The following ELF4 variants were observed in gnomAD, a reference collection of about 807,000 sequenced individuals.
ELF4 encodes the protein E74 like ETS transcription factor 4, also known as ETS-related transcription factor Elf-4.
A neutral mutation model predicts 31.7 loss-of-function variants in ELF4; 10 were observed. The ratio of observed to expected loss-of-function variants is 0.32; its 90% confidence interval spans 0.19 to 0.54. The LOEUF (loss-of-function observed/expected upper bound fraction) is 0.54, where lower values mean the gene tolerates loss of function less well. Ranked by LOEUF, ELF4 falls within the 20% of genes least tolerant of loss-of-function variation. The pLI, the probability that ELF4 is intolerant of heterozygous loss-of-function variation, is 0.95. For synonymous variants in ELF4, 208 were observed against 226.7 expected (o/e 0.92, Z 0.74); for missense variants, 418 against 522.0 (o/e 0.80, Z 1.94).
chrX:130,069,231 A>AG, intron 8 of ELF4, 69 bp downstream of exon 8: 1 of 1,191,416 alleles, frequency 8.4e-7, no homozygotes, highest in Non-Finnish European at 1.1e-6. Context: ...CTCAAAAAAA[A>AG]AAAAAAAGAA....
chrX:130,083,832 CTGGA>C (rs773641555), intron 1 of ELF4, among the ~76,000 whole-genome samples: 6,540 of 103,174 alleles, frequency 0.063, 399 homozygotes, highest in African/African-American at 0.17. Flanking sequence ...GGATGGATGG[CTGGA>C]TGGATGGATG....
chrX:130,072,369 G>A lies in ELF4; in HGVS notation c.389C>T (p.Thr130Ile). 1.1e-5 allele frequency: 13 copies of A among 1,212,326 alleles called. No individual in the cohort carries two copies. Among genetic ancestry groups the A allele is most frequent in the Non-Finnish European group, 1.5e-5 (13 of 895,628 alleles). The change falls in exon 5 of 9, where the codon ACT becomes ATT. Residue 130 changes from threonine (T) to isoleucine (I), a missense_variant. Around this residue, in one of 4 missense-constraint regions of ELF4, gnomAD observed 88 missense variants for 92.4 expected, o/e 0.95. Transcript: ENST00000308167. ...LPDSDPAPAV[T>I]LPNYLFPASE... The stretch of plus-strand genomic sequence containing the variant: ...GGCAGGAAACAGGTAGTTGGGCAGA[G>A]TGACAGCTGGTGCAGGGTCCGAGTC...
intron 1 of ELF4, among the ~76,000 whole-genome samples, chrX:130,084,060 T>A (rs1352538299): frequency 1.8e-5 from 2 of 111,943 alleles, no homozygotes; most frequent in African/African-American, 3.3e-5. Context: ...GCTATTTGCG[T>A]TGGTTGTGGG....
At chrX:130,070,828 A>G (rs768373954) in intron 7 of ELF4, among the ~76,000 whole-genome samples, 1 of 106,479 alleles carries the variant, frequency 9.4e-6, no homozygotes, top group East Asian at 3.1e-4. Flanking sequence ...AAAGGAAAAG[A>G]AAAAAGGCCA....
chrX:130,085,666 G>C (rs1204052722), intron 1 of ELF4, among the ~76,000 whole-genome samples: 2 of 112,040 alleles, frequency 1.8e-5, no homozygotes, highest in Non-Finnish European at 3.8e-5. Flanking sequence ...CAGATGGTCA[G>C]CTGGGCCACA....
chrX:130,095,823 G>C (rs969974471), intron 1 of ELF4, among the ~76,000 whole-genome samples: 1 of 111,916 alleles, frequency 8.9e-6, no homozygotes, highest in Non-Finnish European at 1.9e-5. Flanking sequence ...ATATACACTT[G>C]CTCTTGGCTT....
chrX:130,097,133 TAAAAA>T (rs754452744), intron 1 of ELF4, among the ~76,000 whole-genome samples: 1 of 74,399 alleles, frequency 1.3e-5, no homozygotes, highest in Non-Finnish European at 2.6e-5. Flanking sequence ...CCATCTCTAT[TAAAAA>T]AAAAAAAAAA....
At chrX:130,070,368 T>C (rs1377190177) in intron 7 of ELF4, among the ~76,000 whole-genome samples, 4 of 110,497 alleles carry the variant, frequency 3.6e-5, no homozygotes, top group Non-Finnish European at 5.7e-5. Flanking sequence ...GTCAGCAGAT[T>C]GAAACCATCC....
At chrX:130,083,323 C>T (rs1273998412) in intron 1 of ELF4, among the ~76,000 whole-genome samples, 3 of 101,907 alleles carry the variant, frequency 2.9e-5, no homozygotes, top group Admixed American at 1.1e-4. Context: ...TCTGTGAAGC[C>T]TCCCAAGGCC....
Position 130,091,034 on chromosome X carries a change from A to G in ELF4, c.-209-9495T>C, listed in dbSNP as rs771888058. Among the ~76,000 whole-genome samples the G allele has an allele frequency of 7.2e-5, 8 of 111,586 alleles. No individual in the cohort carries two copies. The South Asian group carries it at 3.0e-3, about 41-fold the overall frequency. The stretch of plus-strand genomic sequence containing the variant: ...TTGCCATGTTGTCCAGGTTGGTCTC[A>G]AATAAACTGGCTCAACCAATTCTTT... On this transcript the variant is annotated intron_variant, in intron 1 of 8. Transcript: ENST00000308167.
chrX:130,070,949 G>A, intron 7 of ELF4, 91 bp downstream of exon 7: 1 of 1,122,034 alleles, frequency 8.9e-7, no homozygotes, highest in East Asian at 3.0e-5. Context: ...GATCAATCAG[G>A]TCTCCATGAA....
At chrX:130,086,115 G>A (rs1278012354) in intron 1 of ELF4, among the ~76,000 whole-genome samples, 1 of 112,235 alleles carries the variant, frequency 8.9e-6, no homozygotes, top group Non-Finnish European at 1.9e-5. Flanking sequence ...AATGCCCAGT[G>A]AAGGGGCCCT....
chrX:130,093,578 G>A (rs912321030), intron 1 of ELF4, among the ~76,000 whole-genome samples: 7 of 111,968 alleles, frequency 6.3e-5, no homozygotes, highest in African/African-American at 2.0e-4. Context: ...CCCACTCAGT[G>A]AGACCCTCCC....
intron 7 of ELF4, among the ~76,000 whole-genome samples, chrX:130,070,300 C>G (rs1176960969): frequency 2.0e-4 from 22 of 111,420 alleles, no homozygotes; most frequent in African/African-American, 7.2e-4. Flanking sequence ...AGGCCAGGCG[C>G]CGTGACTCAC....
At chrX:130,078,117 G>C (rs906935692) in intron 2 of ELF4, among the ~76,000 whole-genome samples, 2 of 20,117 alleles carry the variant, frequency 9.9e-5, no homozygotes, top group African/African-American at 4.3e-4. Context: ...GCTCGATCTC[G>C]GCTCACTGCA....
At chrX:130,077,234 G>A (rs1008781969) in intron 2 of ELF4, among the ~76,000 whole-genome samples, 5 of 111,554 alleles carry the variant, frequency 4.5e-5, no homozygotes, top group African/African-American at 6.5e-5. Context: ...CTATAGCCAC[G>A]TGTGACTAGT....
chrX:130,074,974 T>C (rs1213034361), intron 2 of ELF4, among the ~76,000 whole-genome samples: 1 of 102,431 alleles, frequency 9.8e-6, no homozygotes, highest in South Asian at 4.1e-4. Context: ...CCTTTAAGCA[T>C]TTTTTTTTTT....
intron 1 of ELF4, among the ~76,000 whole-genome samples, chrX:130,107,789 G>GA (rs909900091): frequency 8.9e-6 from 1 of 112,855 alleles, no homozygotes; most frequent in African/African-American, 3.2e-5. Flanking sequence ...TCATGTATTT[G>GA]ATCCTCACCA....
chrX:130,085,689 CCTT>C (rs2124624919), intron 1 of ELF4, among the ~76,000 whole-genome samples: 1 of 112,079 alleles, frequency 8.9e-6, no homozygotes, highest in Admixed American at 9.5e-5. Context: ...GCACAATTCT[CCTT>C]CTCCGGTTCC....
Sources: gnomAD v4.1 joint callset for allele counts (sites outside exome capture counted in the v4.1 genomes callset) on GRCh38, gnomAD v4.1.1 for gene constraint, gnomAD v4.1.1 regional missense constraint, MANE v1.5 for transcripts, NCBI Gene and HGNC (gene_info 2026-07-23, HGNC 2026-07-21) for gene names.